The following CENPS variants were observed in gnomAD, a reference collection of about 807,000 sequenced individuals.
CENPS encodes the protein centromere protein S, also known as FANCM associated histone fold protein 1.
Under a neutral mutation model 17.9 loss-of-function variants are expected in CENPS, and 16 were observed. The ratio of observed to expected loss-of-function variants is 0.90; its 90% CI spans 0.61 to 1.36. The LOEUF (loss-of-function observed/expected upper bound fraction) is 1.36, where lower values mean the gene tolerates loss of function less well. CENPS is among the 40% of genes most tolerant of loss of function. The pLI is 0.00. For missense variants in CENPS, 160 were observed against 158.6 expected, an observed-to-expected ratio of 1.01 and a Z score of -0.05; for synonymous variants, 49 against 55.8, an observed-to-expected ratio of 0.88 and a Z score of 0.54.
At chr1:10,440,475 T>C (rs908984539) in intron 4 of CENPS, 62 bp downstream of exon 4, 2 of 1,595,218 alleles carry the variant, frequency 1.3e-6, no homozygotes, top group Non-Finnish European at 8.5e-7. Flanking sequence ...TCCCAATCAA[T>C]CACTTGAAGC....
At chr1:10,435,778 T>C (rs1640129199) in intron 3 of CENPS, among the ~76,000 whole-genome samples, 1 of 151,458 alleles carries the variant, frequency 6.6e-6, no homozygotes, top group South Asian at 2.1e-4. Flanking sequence ...CGTCTTGGTA[T>C]GTTGCCCAGG....
Position 10,442,323 on chromosome 1 carries a change from C to T in CENPS, c.335C>T (p.Ala112Val). The T allele has an allele frequency of 2.5e-6, 4 of 1,605,980 alleles. No homozygotes were observed. Among genetic ancestry groups the T allele is most frequent in the Non-Finnish European group, 3.4e-6 (4 of 1,177,710 alleles). ...GCTCAGATTAACCTAGAACGAAAAGCACAGAAGAAAAAGAAGTCAGAGGAT... is the reference window on the plus strand; with the variant it reads ...GCTCAGATTAACCTAGAACGAAAAGTACAGAAGAAAAAGAAGTCAGAGGAT... ...EIAQINLERKAQKKKKSEDGS... is the reference protein window; with the variant it reads ...EIAQINLERKVQKKKKSEDGS... Residue 112 changes from alanine to valine, a missense_variant, in exon 5 of 5, where the codon GCA (alanine) becomes GTA (valine). Coordinates refer to ENST00000309048, the MANE Select transcript of CENPS (RefSeq NM_199294.3).
At chr1:10,431,015 G>A (rs780669636) in intron 1 of CENPS, 12 of 1,310,382 alleles carry the variant, frequency 9.2e-6, no homozygotes, top group South Asian at 3.4e-5. Context: ...GACGCGGTGC[G>A]GACCAGTCAG....
chr1:10,430,674 C>T, intron 1 of CENPS, 106 bp downstream of exon 1: 3 of 1,439,660 alleles, frequency 2.1e-6, no homozygotes, highest in Non-Finnish European at 2.7e-6. Flanking sequence ...CACCCCGCCC[C>T]CGGGCGCCCC....
chr1:10,434,550 A>G (rs1466278991), intron 2 of CENPS, 107 bp from the exon 3 acceptor site: 1 of 1,510,902 alleles, frequency 6.6e-7, no homozygotes, highest in African/African-American at 1.4e-5. Context: ...GGTTTGTTAT[A>G]TTAGTCAAGT....
In CENPS at chr1:10,442,674, A is replaced by G. The variant is rs1640466220; in HGVS notation, c.*269A>G. ...GATCAAATGGTATATATTAGAAATT[A>G]CATCTGTTGTAATTAAAATTGTGTG... On this transcript the variant is annotated 3_prime_UTR_variant, in exon 5 of 5. Coordinates refer to ENST00000309048, the MANE Select transcript of CENPS (RefSeq NM_199294.3). 2.8e-6 allele frequency: 1 copy of G among 353,648 alleles called. No homozygotes were observed. The highest frequency in any genetic ancestry group is 5.5e-5 in the East Asian group (1 of 18,136). 21.9% of individuals were successfully genotyped at this position (353,648 alleles called of 1,614,324 possible).
rs751586787 is a variant in CENPS, at chr1:10,433,962, T to C, written c.172T>C (p.Cys58Arg). 2.5e-6 allele frequency: 4 copies of C among 1,614,052 alleles called. No homozygotes were observed. The highest frequency in any genetic ancestry group is 1.1e-5 in the South Asian group (1 of 91,068). Residue 58 changes from cysteine (C) to arginine (R), a missense_variant, in exon 2 of 5, where the codon TGT becomes CGT. By Grantham distance (180) the Cys-to-Arg change is radical (BLOSUM62 -3). Transcript: ENST00000309048. ...CATTTCGGAGCTGACTTTCCGACAG[T>C]GTGGTATGAAGCTTCGGCCTCCCCA... The part of the protein sequence containing the change: ...AAISELTFRQ[C>R]ENFAKDLEMF...
intron 3 of CENPS, among the ~76,000 whole-genome samples, chr1:10,436,787 C>T (rs898228052): frequency 2.1e-4 from 32 of 151,852 alleles, no homozygotes; most frequent in Admixed American, 6.6e-4. Flanking sequence ...GTGCAGAGTC[C>T]AGTGATGAGG....
chr1:10,442,226 G>T (rs992147125), intron 4 of CENPS, 39 bp from the exon 5 acceptor site: 506 of 1,522,596 alleles, frequency 3.3e-4, no homozygotes, highest in East Asian at 5.7e-4. Context: ...TTTATAAAAT[G>T]GTTACAGCCA....
chr1:10,430,617 T>G, intron 1 of CENPS, 49 bp downstream of exon 1: 2 of 1,516,552 alleles, frequency 1.3e-6, no homozygotes, highest in East Asian at 2.7e-5. Flanking sequence ...CGGCGTCGAG[T>G]TTCTGGACAG....
At chr1:10,436,427 C>A (rs57842882) in intron 3 of CENPS, among the ~76,000 whole-genome samples, 1 of 151,022 alleles carries the variant, frequency 6.6e-6, no homozygotes, top group Non-Finnish European at 1.5e-5. Flanking sequence ...GGAGGCCGGG[C>A]GCCGTGGCTC....
At chr1:10,438,296 C>A (rs541287928) in intron 3 of CENPS, among the ~76,000 whole-genome samples, 1 of 152,260 alleles carries the variant, frequency 6.6e-6, no homozygotes, top group South Asian at 2.1e-4. Flanking sequence ...AGGTGCCCAC[C>A]ACCATGCCCG....
chr1:10,431,778 C>A (rs933591027), intron 1 of CENPS, among the ~76,000 whole-genome samples: 1 of 147,210 alleles, frequency 6.8e-6, no homozygotes, highest in Non-Finnish European at 1.5e-5. Context: ...CGCTTGAACC[C>A]GGGAGGCGGA....
intron 1 of CENPS, among the ~76,000 whole-genome samples, chr1:10,432,799 G>T (rs1454886672): frequency 6.6e-6 from 1 of 152,188 alleles, no homozygotes; most frequent in Non-Finnish European, 1.5e-5. Context: ...AGAGGCTGAG[G>T]CAGGAGGTTC....
chr1:10,440,416 G>T lies in CENPS; in HGVS notation c.276+3G>T. 1 of 1,613,860 alleles carries T rather than the reference G, an allele frequency of 6.2e-7. No homozygotes were observed. The highest frequency in any genetic ancestry group is 8.5e-7 in the Non-Finnish European group (1 of 1,179,916). Reference sequence around the variant, plus strand: ...TAGCCAGGAGGAGTAATTCACTGGTGAGAGATGAATTTCTTTCCTCACTCC... The same window carrying T: ...TAGCCAGGAGGAGTAATTCACTGGTTAGAGATGAATTTCTTTCCTCACTCC... On this transcript the variant is annotated splice_donor_region_variant and intron_variant, in intron 4 of 4. Coordinates refer to ENST00000309048, the MANE Select transcript of CENPS (RefSeq NM_199294.3).
intron 1 of CENPS, among the ~76,000 whole-genome samples, chr1:10,432,415 C>G (rs1222714687): frequency 6.6e-6 from 1 of 152,104 alleles, no homozygotes; most frequent in Non-Finnish European, 1.5e-5. Context: ...GAGCCTGGCT[C>G]TCAATAGACC....
chr1:10,440,725 G>A (rs192256652), intron 4 of CENPS, among the ~76,000 whole-genome samples: 1 of 152,194 alleles, frequency 6.6e-6, no homozygotes, highest in African/African-American at 2.4e-5. Context: ...CAATCTGCAG[G>A]GATAGTTTTG....
At chr1:10,437,724 TAAGATTACTG>T (rs1346937346) in intron 3 of CENPS, among the ~76,000 whole-genome samples, 4 of 149,658 alleles carry the variant, frequency 2.7e-5, no homozygotes, top group African/African-American at 9.9e-5. Flanking sequence ...GCCAAAGTGC[TAAGATTACTG>T]GCATGAGCCA....
chr1:10,436,604 G>T (rs1236593957), intron 3 of CENPS, among the ~76,000 whole-genome samples: 7 of 151,124 alleles, frequency 4.6e-5, no homozygotes, highest in Non-Finnish European at 1.5e-5. Flanking sequence ...TACTCAAAAG[G>T]TTGAGGCAGG....
Sources: allele counts gnomAD v4.1 joint callset (sites outside exome capture counted in the v4.1 genomes callset), GRCh38; gene constraint gnomAD v4.1.1; transcripts MANE v1.5; gene names NCBI Gene and HGNC (gene_info 2026-07-23, HGNC 2026-07-21).